The following TYR variants were observed in gnomAD, a reference collection of about 807,000 sequenced individuals.
The protein encoded by TYR is LB24-AB.
TYR carries 58 observed loss-of-function variants against 51.5 expected under a neutral mutation model. The ratio of observed to expected loss-of-function variants is 1.13; its 90% CI spans 0.91 to 1.40. TYR has a LOEUF of 1.40. TYR is among the 40% of genes most tolerant of loss of function. TYR has a pLI of 0.00. For missense variants in TYR, 732 were observed against 647.4 expected, an observed-to-expected ratio of 1.13 and a Z score of -1.42; for synonymous variants, 263 against 235.2, an observed-to-expected ratio of 1.12 and a Z score of -1.08.
At position 89,233,545 on chromosome 11, in the gene TYR, G is replaced by A. The variant is rs546440620; in HGVS notation, c.1184+5575G>A. 2.1e-5 allele frequency among the ~76,000 whole-genome samples: 3 copies of A among 139,936 alleles called. 1 individual carries two copies. Among genetic ancestry groups the A allele is most frequent in the Non-Finnish European group, 4.6e-5 (3 of 65,872 alleles). 91.8% of individuals were successfully genotyped at this position (139,936 alleles called of 152,430 possible). ...TCCATCAGAGGAATCACTATCTATG[G>A]AATATATAGCCTTACAAAATATACT... On this transcript the variant is annotated intron_variant, in intron 3 of 4. Transcript: ENST00000263321.
intron 2 of TYR, among the ~76,000 whole-genome samples, chr11:89,212,472 G>A (rs980179102): frequency 1.3e-5 from 2 of 152,118 alleles, no homozygotes; most frequent in African/African-American, 2.4e-5. Context: ...AAAAGTCCAG[G>A]ATCAGATGGA....
intron 4 of TYR, among the ~76,000 whole-genome samples, chr11:89,289,805 A>C (rs1944836004): frequency 6.6e-6 from 1 of 152,072 alleles, no homozygotes; most frequent in Non-Finnish European, 1.5e-5. Flanking sequence ...AACTAGTTTG[A>C]GAATCCAGAA....
chr11:89,254,917 A>G (rs1177601394), intron 3 of TYR, among the ~76,000 whole-genome samples: 3 of 151,292 alleles, frequency 2.0e-5, no homozygotes, highest in Non-Finnish European at 4.4e-5. Context: ...TAGATTGTCT[A>G]TTTGTGCTTT....
chr11:89,282,922 T>C (rs1265774934), intron 3 of TYR, among the ~76,000 whole-genome samples: 1 of 151,798 alleles, frequency 6.6e-6, no homozygotes, highest in Non-Finnish European at 1.5e-5. Flanking sequence ...AGAAAGATAA[T>C]AGCTTTTATG....
rs902762829 is a variant in TYR, at chr11:89,178,922, G to C, written c.819+150G>C. On this transcript the variant is annotated intron_variant, in intron 1 of 4. Transcript: ENST00000263321. ...CTGTTAAGAACTCTCAATGTATCTT[G>C]TATTTTTCCTTTATAGCACACTTTA... 5.2e-6 allele frequency: 4 copies of C among 767,600 alleles called. No homozygotes were observed. The Middle Eastern group carries it at 9.9e-4, about 191-fold the overall frequency. The allele number at this position is 767,600 out of a possible 1,614,324, so 47.5% of individuals were successfully genotyped here.
chr11:89,235,203 A>G (rs1944095526), intron 3 of TYR, among the ~76,000 whole-genome samples: 1 of 152,176 alleles, frequency 6.6e-6, no homozygotes, highest in Non-Finnish European at 1.5e-5. Flanking sequence ...GGTGTGGAGA[A>G]CACGGAACAC....
chr11:89,248,286 T>G (rs1282416249), intron 3 of TYR, among the ~76,000 whole-genome samples: 4 of 152,020 alleles, frequency 2.6e-5, no homozygotes. Flanking sequence ...AGAAAAGAAA[T>G]AAATAAGCAC....
intron 2 of TYR, among the ~76,000 whole-genome samples, chr11:89,223,419 C>A (rs1943938072): frequency 6.6e-6 from 1 of 151,904 alleles, no homozygotes; most frequent in African/African-American, 2.4e-5. Context: ...CTTCACCAAC[C>A]AAGAAAATAA....
At chr11:89,295,067 T>C (rs556467672) in intron 4 of TYR, 76 bp from the exon 5 acceptor site, 1 of 1,585,260 alleles carries the variant, frequency 6.3e-7, no homozygotes, top group East Asian at 2.3e-5. Flanking sequence ...TCCAAAGGAC[T>C]GTGAAAGGAT....
chr11:89,194,498 AAGAC>A (rs149486856), intron 2 of TYR, among the ~76,000 whole-genome samples: 9,813 of 152,214 alleles, frequency 0.064, 383 homozygotes, highest in South Asian at 0.11. Flanking sequence ...GAGACATTTT[AAGAC>A]TATGCAAATA....
At chr11:89,257,563 T>C (rs532530507) in intron 3 of TYR, among the ~76,000 whole-genome samples, 5 of 152,084 alleles carry the variant, frequency 3.3e-5, no homozygotes, top group African/African-American at 1.2e-4. Flanking sequence ...ATCACACATA[T>C]GAAATAATGA....
chr11:89,258,755 A>G (rs1944423903), intron 3 of TYR, among the ~76,000 whole-genome samples: 1 of 152,090 alleles, frequency 6.6e-6, no homozygotes, highest in African/African-American at 2.4e-5. Flanking sequence ...GTTCAACAAT[A>G]CGGCTTTCTT....
At chr11:89,277,972 A>T (rs940186894) in intron 3 of TYR, among the ~76,000 whole-genome samples, 13 of 151,640 alleles carry the variant, frequency 8.6e-5, no homozygotes, top group African/African-American at 3.1e-4. Context: ...AAAAAAACAC[A>T]AATCTCCCTA....
chr11:89,217,968 T>G (rs1003512883), intron 2 of TYR, among the ~76,000 whole-genome samples: 1 of 152,274 alleles, frequency 6.6e-6, no homozygotes, highest in African/African-American at 2.4e-5. Context: ...TTATTTCTAT[T>G]AACTACTTTT....
intron 2 of TYR, among the ~76,000 whole-genome samples, chr11:89,200,039 A>G (rs1033702771): frequency 2.0e-5 from 3 of 152,238 alleles, no homozygotes; most frequent in African/African-American, 7.2e-5. Context: ...ACATATTGCA[A>G]ATAAAATTTA....
intron 4 of TYR, 100 bp downstream of exon 4, chr11:89,285,054 C>T: frequency 1.0e-6 from 1 of 1,001,954 alleles, no homozygotes; most frequent in Middle Eastern, 2.1e-4. Flanking sequence ...TATTCCTGAA[C>T]ACTTTAAATC....
chr11:89,260,915 G>A (rs932476508), intron 3 of TYR, among the ~76,000 whole-genome samples: 2 of 152,080 alleles, frequency 1.3e-5, no homozygotes, highest in Non-Finnish European at 2.9e-5. Context: ...TATAACCTGA[G>A]CTCTGCCTCC....
chr11:89,258,144 T>C (rs1361491859), intron 3 of TYR, among the ~76,000 whole-genome samples: 5 of 152,030 alleles, frequency 3.3e-5, no homozygotes, highest in Admixed American at 6.6e-5. Context: ...TTGATTGCTA[T>C]GGTGAAAGGC....
chr11:89,214,245 A>G (rs1296117306), intron 2 of TYR, among the ~76,000 whole-genome samples: 1 of 152,216 alleles, frequency 6.6e-6, no homozygotes, highest in Non-Finnish European at 1.5e-5. Context: ...ACTTCTCAAA[A>G]TAAGACATTT....
Sources: gnomAD v4.1 joint callset for allele counts (sites outside exome capture counted in the v4.1 genomes callset) on GRCh38, gnomAD v4.1.1 for gene constraint, MANE v1.5 for transcripts, NCBI Gene and HGNC (gene_info 2026-07-23, HGNC 2026-07-21) for gene names.